HACE1: variants seen among roughly 807,000 people sequenced by gnomAD.
HACE1 encodes E3 ubiquitin-protein ligase HACE1.
In HACE1, 73 loss-of-function variants were observed where a neutral mutation model predicts 118.4. The observed-to-expected ratio is 0.62, with a 90% CI of 0.51 to 0.75. The LOEUF is 0.75. Ranked by LOEUF, HACE1 falls within the 30% of genes least tolerant of loss-of-function variation. HACE1 has a pLI of 0.00. For missense variants in HACE1, 749 were observed against 1,102.2 expected (o/e 0.68, Z 4.54); for synonymous variants, 368 against 374.8 (o/e 0.98, Z 0.21).
intron 19 of HACE1, among the ~76,000 whole-genome samples, chr6:104,760,207 C>T (rs1369640367): frequency 6.6e-6 from 1 of 152,200 alleles, no homozygotes; most frequent in Admixed American, 6.5e-5. Context: ...ATGAGGCCAA[C>T]ATCATCCTGA....
At position 104,822,632 on chromosome 6, in the gene HACE1, G is replaced by A. The variant is rs148528324; in HGVS notation, c.534+10410C>T. ...AGCACTTTGGGAGGCCGAGGCAGTC[G>A]GATCACTAGAGGTCGGGAGTTCAAG... On this transcript the variant is annotated intron_variant, in intron 6 of 23. Coordinates refer to ENST00000262903, the MANE Select transcript of HACE1 (RefSeq NM_020771.4). Among the ~76,000 whole-genome samples the A allele has an allele frequency of 1.1e-3, 163 of 152,024 alleles. 1 individual carries two copies. Among genetic ancestry groups the A allele is most frequent in the Admixed American group, 1.4e-3 (21 of 15,258 alleles).
At position 104,859,728 on chromosome 6, in the gene HACE1, G is replaced by C; in HGVS notation, c.-86C>G. 1 of 1,237,610 alleles carries C rather than the reference G, an allele frequency of 8.1e-7. No individual in the cohort carries two copies. 76.7% of individuals were successfully genotyped at this position (1,237,610 alleles called of 1,614,324 possible). ...AGAGCCCTACATCTCGCCTGGGCCC[G>C]TCCAGCAGGCGGAGACGCGGGCTTG... is the stretch of plus-strand genomic sequence containing the variant. On this transcript the variant is annotated 5_prime_UTR_variant, in exon 1 of 24. Coordinates refer to ENST00000262903, the MANE Select transcript of HACE1 (RefSeq NM_020771.4).
At position 104,785,119 on chromosome 6, in the gene HACE1, T is replaced by G. The variant is rs1782208941; in HGVS notation, c.1275A>C (p.Glu425Asp). The change falls in exon 12 of 24, where the codon GAA becomes GAC. Residue 425 changes from glutamate to aspartate, a missense_variant. This residue lies in a region of HACE1 where 267 missense variants were observed against 312.2 expected (regional missense o/e 0.86). Coordinates refer to ENST00000262903, the MANE Select transcript of HACE1 (RefSeq NM_020771.4). Reference protein sequence around the residue: ...SYENLSTGTRESKPDALAGRQ... With the variant: ...SYENLSTGTRDSKPDALAGRQ... ...TCCCTGCAAGAGCATCTGGTTTAGA[T>G]TCCCTTGTGCCAGTGGACAGATTTT... 1.2e-6 allele frequency: 2 copies of G among 1,613,896 alleles called. No individual in the cohort carries two copies. The highest frequency in any genetic ancestry group is 1.3e-5 in the African/African-American group (1 of 74,922).
chr6:104,738,105 G>GTCC (rs1157339473), intron 22 of HACE1, among the ~76,000 whole-genome samples: 381 of 151,774 alleles, frequency 2.5e-3, no homozygotes, highest in African/African-American at 8.8e-3. Context: ...GCAGCTGAGG[G>GTCC]TCCTGTCTGT....
rs564060958 is a variant in HACE1 at position 104,742,002 on chromosome 6, C to T, written c.2513+2158G>A. Among the ~76,000 whole-genome samples the T allele has an allele frequency of 7.8e-3, 1,171 of 150,298 alleles. 21 individuals are homozygous for T. The highest frequency in any genetic ancestry group is 0.026 in the African/African-American group (1,052 of 40,562). ...AACAGAACAGAGCCCTCAGAAATAA[C>T]GCCACGTATCTACAACTATCTGATC... On this transcript the variant is annotated intron_variant, in intron 22 of 23. Coordinates refer to ENST00000262903, the MANE Select transcript of HACE1 (RefSeq NM_020771.4).
intron 19 of HACE1, among the ~76,000 whole-genome samples, chr6:104,752,048 A>G (rs1778112586): frequency 6.6e-6 from 1 of 151,892 alleles, no homozygotes; most frequent in Non-Finnish European, 1.5e-5. Flanking sequence ...CACAGCTCTC[A>G]GAGCTACAGA....
chr6:104,804,730 T>G (rs911136345), intron 7 of HACE1, among the ~76,000 whole-genome samples: 1 of 152,090 alleles, frequency 6.6e-6, no homozygotes. Flanking sequence ...AAAACTTAAA[T>G]GTAAGACCTA....
At chr6:104,734,284 A>G (rs1775568621) in intron 22 of HACE1, among the ~76,000 whole-genome samples, 1 of 152,116 alleles carries the variant, frequency 6.6e-6, no homozygotes, top group Non-Finnish European at 1.5e-5. Flanking sequence ...TTTTTGTATT[A>G]ATTCTTGGTT....
At chr6:104,801,877 T>C (rs918782992) in intron 7 of HACE1, among the ~76,000 whole-genome samples, 2 of 152,008 alleles carry the variant, frequency 1.3e-5, no homozygotes, top group African/African-American at 4.8e-5. Context: ...TAAATGTAAA[T>C]GGGCTAAATG....
chr6:104,788,008 G>A (rs528247075), intron 11 of HACE1, among the ~76,000 whole-genome samples: 2 of 152,038 alleles, frequency 1.3e-5, no homozygotes, highest in East Asian at 3.9e-4. Flanking sequence ...AGTTTACCTA[G>A]GAAGTTTTCT....
intron 11 of HACE1, chr6:104,785,879 C>G (rs1472616800): frequency 6.6e-6 from 1 of 152,654 alleles, no homozygotes; most frequent in East Asian, 1.9e-4. Context: ...TTTTACTGTG[C>G]TCCTTTCATT....
chr6:104,767,052 G>C (rs1228837109), intron 19 of HACE1: 1 of 152,128 alleles, frequency 6.6e-6, no homozygotes, highest in African/African-American at 2.4e-5. Flanking sequence ...CCTAATAAAT[G>C]TCAAATGTTT....
intron 22 of HACE1, among the ~76,000 whole-genome samples, chr6:104,732,580 T>C (rs772528569): frequency 6.6e-6 from 1 of 152,058 alleles, no homozygotes; most frequent in African/African-American, 2.4e-5. Context: ...ACAGTTTCAG[T>C]TGGGAAAGAT....
At chr6:104,835,630 CAG>C (rs1774456707) in intron 5 of HACE1, among the ~76,000 whole-genome samples, 1 of 151,884 alleles carries the variant, frequency 6.6e-6, no homozygotes, top group Admixed American at 6.6e-5. Context: ...AAAAATAAAA[CAG>C]AGAAAAGACA....
intron 1 of HACE1, 67 bp from the exon 2 acceptor site, chr6:104,852,438 G>T: frequency 1.0e-6 from 1 of 972,294 alleles, no homozygotes; most frequent in Non-Finnish European, 1.6e-6. Flanking sequence ...CTTAAGATTA[G>T]TTTAGAATTT....
At chr6:104,758,690 C>A (rs1435641960) in intron 19 of HACE1, among the ~76,000 whole-genome samples, 1 of 152,152 alleles carries the variant, frequency 6.6e-6, no homozygotes, top group Non-Finnish European at 1.5e-5. Flanking sequence ...ATCAAATTCA[C>A]ACATAACAAT....
intron 19 of HACE1, among the ~76,000 whole-genome samples, chr6:104,770,126 A>T (rs983067713): frequency 4.6e-5 from 7 of 152,198 alleles, no homozygotes; most frequent in Non-Finnish European, 7.3e-5. Flanking sequence ...TCTATAGTTT[A>T]AAAAATGGCT....
chr6:104,857,548 T>TA (rs970570602), intron 1 of HACE1, among the ~76,000 whole-genome samples: 1 of 151,632 alleles, frequency 6.6e-6, no homozygotes, highest in Non-Finnish European at 1.5e-5. Flanking sequence ...ATGTCTTAAA[T>TA]ACAAAGCTGT....
Position 104,800,855 on chromosome 6 carries a change from T to C in HACE1, c.618-3830A>G, listed in dbSNP as rs149270975. 3.3e-5 allele frequency among the ~76,000 whole-genome samples: 5 copies of C among 152,238 alleles called. No individual in the cohort carries two copies. The East Asian group carries it at 9.7e-4, about 30-fold the overall frequency. Reference sequence around the variant, plus strand: ...TTGCCAGCAATGGAACAAAGTTGGATGGAGAATGACTTTGACGAGTTCACA... The same window carrying C: ...TTGCCAGCAATGGAACAAAGTTGGACGGAGAATGACTTTGACGAGTTCACA... On this transcript the variant is annotated intron_variant, in intron 7 of 23. Coordinates refer to ENST00000262903, the MANE Select transcript of HACE1 (RefSeq NM_020771.4).
Sources: allele counts gnomAD v4.1 joint callset (sites outside exome capture counted in the v4.1 genomes callset), GRCh38; gene constraint gnomAD v4.1.1; regional missense constraint gnomAD v4.1.1; transcripts MANE v1.5; gene names NCBI Gene and HGNC (gene_info 2026-07-23, HGNC 2026-07-21).